The following COL22A1 variants were observed in gnomAD, a reference collection of about 807,000 sequenced individuals.
COL22A1 encodes collagen alpha-1(XXII) chain.
A neutral mutation model predicts 248.9 loss-of-function variants in COL22A1; 221 were observed. The ratio of observed to expected loss-of-function variants is 0.89; its 90% CI spans 0.80 to 0.99. The LOEUF (loss-of-function observed/expected upper bound fraction) is 0.99. Ranked by LOEUF, COL22A1 falls within the 50% of genes least tolerant of loss-of-function variation. The probability of loss-of-function intolerance (pLI) is 0.00; values close to 1 mark genes in which losing one functional copy is unlikely to be tolerated. For missense variants in COL22A1, 2,240 were observed against 2,179.0 expected, an observed-to-expected ratio of 1.03 and a Z score of -0.56; for synonymous variants, 891 against 793.4, an observed-to-expected ratio of 1.12 and a Z score of -2.07.
chr8:138,637,646 ACT>A (rs573757713), intron 47 of COL22A1, among the ~76,000 whole-genome samples: 176 of 152,128 alleles, frequency 1.2e-3, no homozygotes, highest in African/African-American at 4.1e-3. Flanking sequence ...AGATACTTAA[ACT>A]CTCTGTCTTC....
At chr8:138,715,470 G>A (rs1415139630) in intron 30 of COL22A1, among the ~76,000 whole-genome samples, 2 of 150,626 alleles carry the variant, frequency 1.3e-5, no homozygotes, top group African/African-American at 4.9e-5. Context: ...TTGAGAAGCT[G>A]AGGCACTAGA....
At position 138,666,523 on chromosome 8, in the gene COL22A1, C is replaced by A. The variant is rs191107783; in HGVS notation, c.3151-2783G>T. The stretch of plus-strand genomic sequence containing the variant: ...ATGGACTCAGAATTCCAACTCTGGT[C>A]TCTTTGACTCAGAAGCCAGTGCTCC... On this transcript the variant is annotated intron_variant, in intron 41 of 64. Transcript: ENST00000303045. Among the ~76,000 whole-genome samples the A allele has an allele frequency of 1.4e-4, 22 of 152,358 alleles. No homozygotes were observed. The East Asian group carries it at 3.1e-3, about 21-fold the overall frequency.
chr8:138,689,072 A>G, intron 36 of COL22A1, 102 bp from the exon 37 acceptor site: 2 of 893,182 alleles, frequency 2.2e-6, no homozygotes, highest in African/African-American at 1.6e-5. Flanking sequence ...CCCTGAAGTC[A>G]ACGACTACAG....
intron 59 of COL22A1, among the ~76,000 whole-genome samples, chr8:138,603,291 G>A (rs1246108815): frequency 6.6e-6 from 1 of 152,140 alleles, no homozygotes; most frequent in Admixed American, 6.6e-5. Flanking sequence ...TGATTTAATT[G>A]CTGTAACATA....
chr8:138,837,650 T>C (rs1820537691), intron 4 of COL22A1, among the ~76,000 whole-genome samples: 1 of 152,098 alleles, frequency 6.6e-6, no homozygotes, highest in Non-Finnish European at 1.5e-5. Flanking sequence ...GGGGCCTCTG[T>C]GTCTGGAAGT....
intron 30 of COL22A1, among the ~76,000 whole-genome samples, chr8:138,706,274 G>C (rs1828436381): frequency 1.3e-5 from 2 of 152,162 alleles, no homozygotes; most frequent in Non-Finnish European, 2.9e-5. Context: ...ACTCAGCTCT[G>C]CACCAAGCAG....
chr8:138,844,052 G>C (rs529131660), intron 4 of COL22A1, 32 bp downstream of exon 4: 84 of 1,594,544 alleles, frequency 5.3e-5, no homozygotes, highest in Admixed American at 4.2e-4. Flanking sequence ...ATACACCAAA[G>C]CAAGCACACG....
rs188684737 is a variant in COL22A1, at chr8:138,653,535, T to C, written c.3333+2362A>G. 3.0e-3 allele frequency among the ~76,000 whole-genome samples: 464 copies of C among 152,256 alleles called. 5 individuals are homozygous for C. Among genetic ancestry groups the C allele is most frequent in the African/African-American group, 0.011 (444 of 41,536 alleles). ...ACAGCAACAGAAACCACTCACAGGA[T>C]TGTTTTTGAGGATTTAATAATATAA... On this transcript the variant is annotated intron_variant, in intron 45 of 64. Transcript: ENST00000303045.
chr8:138,796,860 A>G lies in COL22A1; in HGVS notation c.1558-3T>C, dbSNP rs1170474106. 2 of 1,593,260 alleles carry G rather than the reference A, an allele frequency of 1.3e-6. No homozygotes were observed. The highest frequency in any genetic ancestry group is 1.7e-6 in the Non-Finnish European group (2 of 1,161,078). On this transcript the variant is annotated splice_polypyrimidine_tract_variant and splice_region_variant and intron_variant, in intron 11 of 64. Transcript: ENST00000303045. The stretch of plus-strand genomic sequence containing the variant: ...CCTTGGCCAAAAGGTCCTATGCCCT[A>G]GAAAAATGAAAGAAGGCAAAGATTC...
chr8:138,698,843 G>A (rs1183811570), intron 32 of COL22A1, among the ~76,000 whole-genome samples: 1 of 152,190 alleles, frequency 6.6e-6, no homozygotes, highest in East Asian at 1.9e-4. Context: ...GGGAGGTGCT[G>A]TGTCCTCATG....
intron 30 of COL22A1, among the ~76,000 whole-genome samples, chr8:138,715,204 T>C (rs879025913): frequency 6.6e-6 from 1 of 152,194 alleles, no homozygotes; most frequent in Non-Finnish European, 1.5e-5. Context: ...GTCTAGCGTA[T>C]TATTTTCTCA....
At chr8:138,595,042 G>A (rs1213375198) in intron 62 of COL22A1, among the ~76,000 whole-genome samples, 1 of 152,144 alleles carries the variant, frequency 6.6e-6, no homozygotes, top group Non-Finnish European at 1.5e-5. Flanking sequence ...TGTTAGCCAT[G>A]CAGTCATAGG....
chr8:138,642,844 C>T (rs1450199529), intron 47 of COL22A1, among the ~76,000 whole-genome samples: 7 of 152,132 alleles, frequency 4.6e-5, no homozygotes, highest in Non-Finnish European at 1.0e-4. Context: ...GCCTGACCAA[C>T]ATGGTGAAAC....
At chr8:138,615,967 C>T (rs1427675967) in intron 55 of COL22A1, 34 bp downstream of exon 55, 1 of 1,580,058 alleles carries the variant, frequency 6.3e-7, no homozygotes, top group East Asian at 2.2e-5. Flanking sequence ...ACCCCCAGCC[C>T]CAGCCCAGCC....
At chr8:138,860,817 A>T (rs1415159686) in intron 3 of COL22A1, among the ~76,000 whole-genome samples, 1 of 152,090 alleles carries the variant, frequency 6.6e-6, no homozygotes, top group Non-Finnish European at 1.5e-5. Flanking sequence ...CCAAAAAACA[A>T]AAAGACAACT....
intron 1 of COL22A1, among the ~76,000 whole-genome samples, chr8:138,884,360 C>T (rs1156469749): frequency 6.7e-6 from 1 of 149,778 alleles, no homozygotes; most frequent in Non-Finnish European, 1.5e-5. Context: ...AGGGCATTTA[C>T]ACACAGTCAG....
chr8:138,788,178 C>T lies in COL22A1; in HGVS notation c.1597-7198G>A, dbSNP rs149707832. Among the ~76,000 whole-genome samples the T allele has an allele frequency of 4.7e-3, 718 of 152,264 alleles. 2 individuals are homozygous for T. Among genetic ancestry groups the T allele is most frequent in the African/African-American group, 0.017 (705 of 41,536 alleles). ...TAGAAGGGCAACTTCTCAGGCCCCACCCCAGACATACTAAATCAGACATTC... is the reference window on the plus strand; with the variant it reads ...TAGAAGGGCAACTTCTCAGGCCCCATCCCAGACATACTAAATCAGACATTC... On this transcript the variant is annotated intron_variant, in intron 12 of 64. Coordinates refer to ENST00000303045, the MANE Select transcript of COL22A1 (RefSeq NM_152888.3).
intron 7 of COL22A1, 130 bp downstream of exon 7, chr8:138,821,006 C>T (rs1419272249): frequency 9.7e-7 from 1 of 1,026,804 alleles, no homozygotes. Context: ...GTCTTTCCTT[C>T]TAAGACGGTC....
At chr8:138,602,002 G>T in intron 60 of COL22A1, 113 bp downstream of exon 60, 2 of 1,063,892 alleles carry the variant, frequency 1.9e-6, no homozygotes, top group Non-Finnish European at 1.4e-6. Flanking sequence ...CAGGCGGCAT[G>T]ATCCAGGCGG....
Sources: gnomAD v4.1 joint callset for allele counts (sites outside exome capture counted in the v4.1 genomes callset) on GRCh38, gnomAD v4.1.1 for gene constraint, MANE v1.5 for transcripts, NCBI Gene and HGNC (gene_info 2026-07-23, HGNC 2026-07-21) for gene names.